Variants in COL5A2 observed in about 807,000 individuals in gnomAD.
COL5A2 encodes the protein collagen alpha-2(V) chain.
A neutral mutation model predicts 208.2 loss-of-function variants in COL5A2; 23 were observed. The observed-to-expected ratio is 0.11, with a 90% CI of 0.08 to 0.16. The LOEUF is 0.16. Ranked by LOEUF, COL5A2 falls within the 10% of genes least tolerant of loss-of-function variation. COL5A2 has a pLI of 1.00. For missense variants in COL5A2, 1,590 were observed against 1,956.4 expected, an observed-to-expected ratio of 0.81 and a Z score of 3.53; for synonymous variants, 625 against 628.5, an observed-to-expected ratio of 0.99 and a Z score of 0.08.
the COL5A2 span, among the ~76,000 whole-genome samples, chr2:189,303,035 A>C: frequency 1.3e-5 from 2 of 152,198 alleles, no homozygotes; most frequent in African/African-American, 4.8e-5. Context: ...ATTAATAAGA[A>C]ATTTTCTATC....
rs754180974 is a variant in COL5A2, at chr2:189,100,115, C to G, written c.361G>C (p.Val121Leu). 2.5e-6 allele frequency: 4 copies of G among 1,609,998 alleles called. No individual in the cohort carries two copies. The highest frequency in any genetic ancestry group is 1.6e-4 in the Middle Eastern group (1 of 6,062). Residue 121 changes from valine to leucine, a missense_variant, in exon 4 of 54, where the codon GTG (valine) becomes CTG (leucine). Physicochemically the swap from Val to Leu is conservative, Grantham distance 32. Transcript: ENST00000374866. ...ATTATACATATACTTACAACAGGCA[C>G]TAATCCTGGTTCTCCCTTTTGTCCC... ...RKGQKGEPGL[V>L]PVVTGIRGRP...
upstream of COL5A2, among the ~76,000 whole-genome samples, chr2:189,228,422 A>C (rs1249861990): frequency 2.0e-5 from 3 of 151,916 alleles, no homozygotes; most frequent in African/African-American, 4.8e-5. Flanking sequence ...TGACTGAAGA[A>C]AAAAAGAGTG....
the COL5A2 span, among the ~76,000 whole-genome samples, chr2:189,323,105 C>T: frequency 1.4e-4 from 22 of 152,120 alleles, no homozygotes; most frequent in African/African-American, 3.4e-4. Context: ...AAAAGGCCTT[C>T]GAAAAAATTC....
chr2:189,266,500 A>G, the COL5A2 span, among the ~76,000 whole-genome samples: 1 of 152,140 alleles, frequency 6.6e-6, no homozygotes, highest in South Asian at 2.1e-4. Context: ...TGCTAAGTGC[A>G]AGAACCCTGA....
At chr2:189,326,073 A>G in the COL5A2 span, among the ~76,000 whole-genome samples, 5,103 of 143,580 alleles carry the variant, frequency 0.036, 106 homozygotes, top group Admixed American at 0.05. Flanking sequence ...CTCCAGCCTG[A>G]GTGACAGAGC....
At chr2:189,415,365 C>A in the COL5A2 span, among the ~76,000 whole-genome samples, 1 of 151,958 alleles carries the variant, frequency 6.6e-6, no homozygotes, top group Non-Finnish European at 1.5e-5. Flanking sequence ...TAAATATGGC[C>A]TGCAGGATGT....
At chr2:189,292,997 C>T in the COL5A2 span, among the ~76,000 whole-genome samples, 119 of 151,816 alleles carry the variant, frequency 7.8e-4, no homozygotes, top group South Asian at 4.0e-3. Context: ...AGTAAACTAC[C>T]GCAAGAACAA....
intron 1 of COL5A2, among the ~76,000 whole-genome samples, chr2:189,160,573 A>C (rs1688339888): frequency 6.6e-6 from 1 of 152,056 alleles, no homozygotes; most frequent in African/African-American, 2.4e-5. Context: ...TTCCCTTTAC[A>C]ATTCAGCTTT....
chr2:189,040,870 G>A (rs557502292), intron 50 of COL5A2, among the ~76,000 whole-genome samples: 24 of 152,234 alleles, frequency 1.6e-4, no homozygotes, highest in Admixed American at 3.3e-4. Flanking sequence ...CATATCTCTT[G>A]TCCATAGGAA....
At chr2:189,124,460 T>A (rs1380697057) in intron 1 of COL5A2, among the ~76,000 whole-genome samples, 1 of 152,156 alleles carries the variant, frequency 6.6e-6, no homozygotes. Context: ...GCGCAGGAAA[T>A]GAAATTTTTC....
the COL5A2 span, among the ~76,000 whole-genome samples, chr2:189,233,254 G>C: frequency 6.6e-6 from 1 of 151,662 alleles, no homozygotes; most frequent in Admixed American, 6.6e-5. Context: ...GTAATTGAAG[G>C]CTGAGATCCA....
chr2:189,097,254 A>C, intron 6 of COL5A2, 23 bp downstream of exon 6: 1 of 1,613,486 alleles, frequency 6.2e-7, no homozygotes, highest in Non-Finnish European at 8.5e-7. Context: ...CGTTCCCCAC[A>C]AGGAGCCCTC....
At chr2:189,340,261 G>A in the COL5A2 span, among the ~76,000 whole-genome samples, 1 of 152,238 alleles carries the variant, frequency 6.6e-6, no homozygotes, top group South Asian at 2.1e-4. Flanking sequence ...ACATGCCCCA[G>A]GTTCACCCTG....
At chr2:189,168,820 G>T (rs1049744158) in intron 1 of COL5A2, among the ~76,000 whole-genome samples, 2 of 152,142 alleles carry the variant, frequency 1.3e-5, no homozygotes, top group African/African-American at 4.8e-5. Flanking sequence ...AATTCCACCT[G>T]CATCTCTCCT....
chr2:189,203,039 A>G (rs560856391), intron 1 of COL5A2, among the ~76,000 whole-genome samples: 1 of 152,198 alleles, frequency 6.6e-6, no homozygotes, highest in Non-Finnish European at 1.5e-5. Flanking sequence ...GTAACTTTCC[A>G]TTGGCACAGA....
the COL5A2 span, among the ~76,000 whole-genome samples, chr2:189,392,765 A>C: frequency 6.6e-6 from 1 of 152,188 alleles, no homozygotes; most frequent in Non-Finnish European, 1.5e-5. Context: ...CCCAAGGTGC[A>C]GGTAACCATT....
the COL5A2 span, among the ~76,000 whole-genome samples, chr2:189,341,862 T>C: frequency 2.6e-5 from 4 of 152,292 alleles, no homozygotes; most frequent in African/African-American, 9.6e-5. Context: ...ATAATTTGAG[T>C]GAAATTTGTT....
intron 1 of COL5A2, among the ~76,000 whole-genome samples, chr2:189,125,998 A>G (rs1687600824): frequency 6.6e-6 from 1 of 152,124 alleles, no homozygotes; most frequent in Non-Finnish European, 1.5e-5. Context: ...ATCTGCAACA[A>G]TAACCCTCTC....
the COL5A2 span, among the ~76,000 whole-genome samples, chr2:189,272,076 G>A: frequency 6.6e-6 from 1 of 152,156 alleles, no homozygotes; most frequent in African/African-American, 2.4e-5. Flanking sequence ...GTGTAAATTA[G>A]TTCAACCATT....
Sources: gnomAD v4.1 joint callset for allele counts (sites outside exome capture counted in the v4.1 genomes callset) on GRCh38, gnomAD v4.1.1 for gene constraint, MANE v1.5 for transcripts, NCBI Gene and HGNC (gene_info 2026-07-23, HGNC 2026-07-21) for gene names.